Variants in LCORL observed in about 807,000 individuals in gnomAD.
LCORL encodes ligand dependent nuclear receptor corepressor like, also known as ligand-dependent nuclear receptor corepressor-like protein.
Under a neutral mutation model 141.8 loss-of-function variants are expected in LCORL, and 41 were observed. That is an observed-to-expected ratio of 0.29 (90% CI 0.23 to 0.38). The LOEUF is 0.38. Ranked by LOEUF, LCORL falls within the 10% of genes least tolerant of loss-of-function variation. The pLI is 1.00. For missense variants in LCORL, 1,759 were observed against 2,035.0 expected, an observed-to-expected ratio of 0.86 and a Z score of 2.61; for synonymous variants, 618 against 694.1, an observed-to-expected ratio of 0.89 and a Z score of 1.72.
chr4:17,943,978 C>A (rs1326977870), intron 4 of LCORL, among the ~76,000 whole-genome samples: 2 of 152,128 alleles, frequency 1.3e-5, no homozygotes, highest in Non-Finnish European at 2.9e-5. Flanking sequence ...GCTACCCACC[C>A]TAGGTGGTTT....
At chr4:17,880,915 A>G in intron 6 of LCORL, 1 of 951,576 alleles carries the variant, frequency 1.1e-6, no homozygotes, top group Non-Finnish European at 1.3e-6. Context: ...CAATCAGTTT[A>G]TATTAACAAA....
chr4:17,867,647 G>C (rs1164475345), intron 7 of LCORL, among the ~76,000 whole-genome samples: 1 of 152,162 alleles, frequency 6.6e-6, no homozygotes, highest in Non-Finnish European at 1.5e-5. Flanking sequence ...AATTCCTTGA[G>C]TTCCTTTGTG....
intron 7 of LCORL, among the ~76,000 whole-genome samples, chr4:17,855,416 G>A (rs1344314552): frequency 6.6e-6 from 1 of 152,142 alleles, no homozygotes; most frequent in East Asian, 1.9e-4. Context: ...TGCAAAAACT[G>A]ACATGGTTTA....
At chr4:17,897,438 G>A (rs1462855873) in intron 5 of LCORL, among the ~76,000 whole-genome samples, 1 of 151,252 alleles carries the variant, frequency 6.6e-6, no homozygotes, top group Non-Finnish European at 1.5e-5. Flanking sequence ...AGTCTATTAT[G>A]CCTTCCATAT....
At chr4:18,010,516 C>T (rs1348453616) in intron 1 of LCORL, among the ~76,000 whole-genome samples, 1 of 152,054 alleles carries the variant, frequency 6.6e-6, no homozygotes, top group African/African-American at 2.4e-5. Flanking sequence ...GTGGCATGAT[C>T]TCGGCTCACT....
chr4:17,874,795 A>T, exon 7 of LCORL: 6 of 1,233,768 alleles, frequency 4.9e-6, no homozygotes, highest in Non-Finnish European at 6.1e-6. Context: ...TCTTCCAAAC[A>T]CTTTTTTGCA....
At chr4:17,953,229 C>G (rs954706333) in intron 4 of LCORL, among the ~76,000 whole-genome samples, 3 of 152,140 alleles carry the variant, frequency 2.0e-5, no homozygotes, top group Non-Finnish European at 4.4e-5. Context: ...GCCTTTATGG[C>G]AGAACAGTTT....
intron 4 of LCORL, among the ~76,000 whole-genome samples, chr4:17,936,711 G>T (rs528116987): frequency 6.6e-6 from 1 of 152,062 alleles, no homozygotes. Context: ...AGAGGTTAAC[G>T]GAGAATATTT....
chr4:17,955,842 T>A (rs1249566761), intron 4 of LCORL, among the ~76,000 whole-genome samples: 1 of 152,110 alleles, frequency 6.6e-6, no homozygotes, highest in Non-Finnish European at 1.5e-5. Flanking sequence ...ATCATGGTTA[T>A]CAAGCACAGT....
intron 4 of LCORL, among the ~76,000 whole-genome samples, chr4:17,915,364 G>A (rs1733230142): frequency 6.6e-6 from 1 of 152,130 alleles, no homozygotes; most frequent in African/African-American, 2.4e-5. Context: ...AACTAGCTGA[G>A]CAATTCTCAG....
At chr4:17,882,484 GAGTCT>G (rs975717833) in intron 6 of LCORL, 8 of 984,330 alleles carry the variant, frequency 8.1e-6, no homozygotes, top group Non-Finnish European at 9.6e-6. Flanking sequence ...TCTCTCTTAT[GAGTCT>G]AGTAAAAGTT....
intron 7 of LCORL, among the ~76,000 whole-genome samples, chr4:17,862,232 G>A (rs1274094596): frequency 6.6e-6 from 1 of 152,178 alleles, no homozygotes; most frequent in East Asian, 1.9e-4. Flanking sequence ...GTTTCACATT[G>A]CTGGGGAAGC....
At chr4:18,002,309 CAT>C (rs1315177711) in intron 1 of LCORL, among the ~76,000 whole-genome samples, 3 of 151,826 alleles carry the variant, frequency 2.0e-5, no homozygotes, top group Non-Finnish European at 4.4e-5. Flanking sequence ...ACATCCAAGA[CAT>C]AAACAATGCT....
intron 5 of LCORL, among the ~76,000 whole-genome samples, chr4:17,887,873 T>C (rs183217472): frequency 6.6e-6 from 1 of 152,232 alleles, no homozygotes; most frequent in Non-Finnish European, 1.5e-5. Flanking sequence ...ATTGGTTTCC[T>C]CTGCCTAGAA....
intron 7 of LCORL, among the ~76,000 whole-genome samples, chr4:17,857,566 T>C (rs1724512566): frequency 6.6e-6 from 1 of 152,088 alleles, no homozygotes; most frequent in South Asian, 2.1e-4. Context: ...CAGATAATTG[T>C]TTTGGGGGGC....
rs1725586791 is a variant in LCORL at position 18,021,545 on chromosome 4, T to A, written c.154+53A>T. ...CCCCTCAGCCACAAACTCCTCGGGC[T>A]GCGACAGCGGTCGCCGCGCGGAGCC... On this transcript the variant is annotated intron_variant, in intron 1 of 7. Coordinates refer to ENST00000635767, the Ensembl canonical transcript of LCORL. The surrounding 1 kb of genome is among the most constrained non-coding windows in gnomAD (Gnocchi z 5.5). The A allele has an allele frequency of 6.8e-7, 1 of 1,471,218 alleles. No homozygotes were observed. Among genetic ancestry groups the A allele is most frequent in the South Asian group, 1.3e-5 (1 of 78,952 alleles). 91.1% of individuals were successfully genotyped at this position (1,471,218 alleles called of 1,614,324 possible).
At chr4:17,914,373 C>T (rs1733052619) in intron 4 of LCORL, among the ~76,000 whole-genome samples, 1 of 152,178 alleles carries the variant, frequency 6.6e-6, no homozygotes, top group Admixed American at 6.5e-5. Flanking sequence ...AAAGGACAGA[C>T]ATTATTAGAC....
At chr4:17,865,823 C>G (rs746553711) in intron 7 of LCORL, among the ~76,000 whole-genome samples, 7 of 152,124 alleles carry the variant, frequency 4.6e-5, no homozygotes, top group Non-Finnish European at 8.8e-5. Context: ...GCTGGTGATT[C>G]TGATGCACAC....
intron 1 of LCORL, among the ~76,000 whole-genome samples, chr4:17,976,506 C>T (rs145921402): frequency 6.6e-6 from 1 of 152,116 alleles, no homozygotes; most frequent in East Asian, 1.9e-4. Context: ...TATAGTACCA[C>T]TTAGTATGTA....
Sources: allele counts gnomAD v4.1 joint callset (sites outside exome capture counted in the v4.1 genomes callset), GRCh38; gene constraint gnomAD v4.1.1; non-coding constraint Gnocchi (gnomAD v3.1); transcripts MANE v1.5; gene names NCBI Gene and HGNC (gene_info 2026-07-23, HGNC 2026-07-21).